Variants in KATNBL1 observed in about 807,000 individuals in gnomAD.
The protein encoded by KATNBL1 is KATNB1-like protein 1.
A neutral mutation model predicts 44.7 loss-of-function variants in KATNBL1; 28 were observed. The ratio of observed to expected loss-of-function variants is 0.63; its 90% CI spans 0.46 to 0.86. The LOEUF is 0.86. Ranked by LOEUF, KATNBL1 falls within the 40% of genes least tolerant of loss-of-function variation. The pLI is 0.00. For synonymous variants in KATNBL1, 78 were observed against 114.9 expected (o/e 0.68, Z 2.06); for missense variants, 272 against 350.7 (o/e 0.78, Z 1.79).
At chr15:34,182,359 C>A (rs1211735828) in intron 1 of KATNBL1, among the ~76,000 whole-genome samples, 1 of 152,058 alleles carries the variant, frequency 6.6e-6, no homozygotes, top group Non-Finnish European at 1.5e-5. Context: ...ACCAATAATA[C>A]TTATAAGAAA....
chr15:34,185,898 T>A (rs1889701702), intron 1 of KATNBL1, among the ~76,000 whole-genome samples: 2 of 152,156 alleles, frequency 1.3e-5, no homozygotes, highest in Non-Finnish European at 2.9e-5. Context: ...ATTGTCCAGA[T>A]GCTATGATCT....
At chr15:34,180,786 G>C (rs187557531) in intron 1 of KATNBL1, among the ~76,000 whole-genome samples, 6 of 152,056 alleles carry the variant, frequency 3.9e-5, no homozygotes, top group African/African-American at 1.4e-4. Context: ...TTTCAGGCAG[G>C]GCACAGTGGC....
chr15:34,206,788 T>G (rs1042107595), intron 1 of KATNBL1, among the ~76,000 whole-genome samples: 2 of 148,832 alleles, frequency 1.3e-5, no homozygotes, highest in African/African-American at 5.0e-5. Context: ...CAAGACTCCG[T>G]CTCAAAAAAA....
chr15:34,200,561 C>T (rs895775104), intron 1 of KATNBL1, among the ~76,000 whole-genome samples: 13 of 151,464 alleles, frequency 8.6e-5, no homozygotes, highest in African/African-American at 3.2e-4. Flanking sequence ...ACGCCCCGCC[C>T]ACCACTTTCT....
At chr15:34,198,239 T>C (rs547158570) in intron 1 of KATNBL1, 1 of 152,218 alleles carries the variant, frequency 6.6e-6, no homozygotes, top group Non-Finnish European at 1.5e-5. Flanking sequence ...AGCTACATCA[T>C]AGCATGTAAT....
Position 34,154,632 on chromosome 15 carries a change from A to T in KATNBL1, c.158+12T>A, listed in dbSNP as rs1013305332. 1 of 1,547,788 alleles carries T rather than the reference A, an allele frequency of 6.5e-7. No individual in the cohort carries two copies. Among genetic ancestry groups the T allele is most frequent in the Non-Finnish European group, 8.9e-7 (1 of 1,119,950 alleles). On this transcript the variant is annotated intron_variant, in intron 3 of 9. Coordinates refer to ENST00000256544, the MANE Select transcript of KATNBL1 (RefSeq NM_024713.3). ...ATTTGTTGTTCCCCACAAACTTTAAAGAAACTCTTACCTATTTATGTAAGC... is the reference window on the plus strand; with the variant it reads ...ATTTGTTGTTCCCCACAAACTTTAATGAAACTCTTACCTATTTATGTAAGC...
chr15:34,148,218 C>G (rs762022936), intron 5 of KATNBL1, among the ~76,000 whole-genome samples: 1 of 152,086 alleles, frequency 6.6e-6, no homozygotes, highest in Non-Finnish European at 1.5e-5. Context: ...GTAAGAATGA[C>G]AGTCAGGAAA....
intron 1 of KATNBL1, among the ~76,000 whole-genome samples, chr15:34,195,344 C>T (rs1889999786): frequency 6.6e-6 from 1 of 152,092 alleles, no homozygotes; most frequent in Non-Finnish European, 1.5e-5. Context: ...ACAACTCAGA[C>T]ACAAAGACAA....
At chr15:34,203,677 CT>C (rs1473620717) in intron 1 of KATNBL1, among the ~76,000 whole-genome samples, 1 of 152,170 alleles carries the variant, frequency 6.6e-6, no homozygotes, top group Non-Finnish European at 1.5e-5. Flanking sequence ...AATAGATACA[CT>C]TATTCTGGTA....
intron 2 of KATNBL1, among the ~76,000 whole-genome samples, chr15:34,160,100 T>A (rs912144060): frequency 1.3e-5 from 2 of 152,234 alleles, no homozygotes; most frequent in African/African-American, 4.8e-5. Flanking sequence ...GCATGACTTT[T>A]TCTTCCTTTT....
chr15:34,180,316 A>G (rs1270126872), intron 1 of KATNBL1, among the ~76,000 whole-genome samples: 1 of 151,772 alleles, frequency 6.6e-6, no homozygotes, highest in East Asian at 1.9e-4. Context: ...GAGCCTTTAT[A>G]GCACTGATGA....
chr15:34,167,591 G>A (rs531877072), intron 1 of KATNBL1, among the ~76,000 whole-genome samples: 10 of 152,242 alleles, frequency 6.6e-5, no homozygotes, highest in African/African-American at 2.4e-4. Flanking sequence ...AGGAAATACA[G>A]AGAACACCAC....
At chr15:34,199,317 GT>G (rs1890107336) in intron 1 of KATNBL1, among the ~76,000 whole-genome samples, 1 of 152,102 alleles carries the variant, frequency 6.6e-6, no homozygotes, top group African/African-American at 2.4e-5. Context: ...TGAGCCTCGA[GT>G]CCCAGCTACT....
chr15:34,163,049 T>TG (rs1170824146), intron 2 of KATNBL1, among the ~76,000 whole-genome samples: 1 of 151,414 alleles, frequency 6.6e-6, no homozygotes, highest in African/African-American at 2.4e-5. Context: ...TAAAAACTTT[T>TG]TTTTTTTTTT....
At chr15:34,180,057 A>T (rs1249391294) in intron 1 of KATNBL1, among the ~76,000 whole-genome samples, 1 of 152,170 alleles carries the variant, frequency 6.6e-6, no homozygotes, top group Admixed American at 6.5e-5. Context: ...CTCAATTTGG[A>T]CTTTGCTCCC....
chr15:34,193,384 A>C (rs990606781), intron 1 of KATNBL1, among the ~76,000 whole-genome samples: 1 of 151,892 alleles, frequency 6.6e-6, no homozygotes, highest in Non-Finnish European at 1.5e-5. Context: ...AAATACAAAA[A>C]TTAGGCAGGC....
At chr15:34,195,516 C>T (rs1475010985) in intron 1 of KATNBL1, among the ~76,000 whole-genome samples, 2 of 151,980 alleles carry the variant, frequency 1.3e-5, no homozygotes, top group African/African-American at 2.4e-5. Context: ...ACTGAACCTC[C>T]TGACTTCACC....
intron 1 of KATNBL1, among the ~76,000 whole-genome samples, chr15:34,179,784 TC>T (rs370052662): frequency 2.6e-5 from 4 of 151,868 alleles, no homozygotes; most frequent in South Asian, 2.1e-4. Flanking sequence ...TTATGGGTGC[TC>T]CCCCCCACCA....
At chr15:34,193,475 A>G (rs183887413) in intron 1 of KATNBL1, among the ~76,000 whole-genome samples, 4 of 152,102 alleles carry the variant, frequency 2.6e-5, no homozygotes, top group African/African-American at 7.2e-5. Flanking sequence ...CGGAGGTTGC[A>G]GTGAACAGAG....
Sources: gnomAD v4.1 joint callset for allele counts (sites outside exome capture counted in the v4.1 genomes callset) on GRCh38, gnomAD v4.1.1 for gene constraint, MANE v1.5 for transcripts, NCBI Gene and HGNC (gene_info 2026-07-23, HGNC 2026-07-21) for gene names.